The following CCDC141 variants were observed in gnomAD, a reference collection of about 807,000 sequenced individuals.
The protein encoded by CCDC141 is coiled-coil domain containing 141.
A neutral mutation model predicts 181.0 loss-of-function variants in CCDC141; 168 were observed. The ratio of observed to expected loss-of-function variants is 0.93; its 90% confidence interval spans 0.82 to 1.05. CCDC141 has a LOEUF of 1.05. CCDC141 is among the 50% of genes least tolerant of loss of function. The pLI is 0.00. For missense variants in CCDC141, 1,902 were observed against 1,788.5 expected (o/e 1.06, Z -1.14); for synonymous variants, 666 against 642.3 (o/e 1.04, Z -0.56).
At chr2:178,918,452 A>C (rs1037171675) in intron 7 of CCDC141, among the ~76,000 whole-genome samples, 6 of 152,140 alleles carry the variant, frequency 3.9e-5, no homozygotes, top group East Asian at 1.9e-4. Flanking sequence ...CAAACCAAAC[A>C]AAACAAAAAG....
In CCDC141 at chr2:178,997,059, G is replaced by T. The variant is rs531145618; in HGVS notation, c.226-18384C>A. Among the ~76,000 whole-genome samples the T allele has an allele frequency of 2.6e-5, 4 of 152,268 alleles. No individual in the cohort carries two copies. In the South Asian group the frequency reaches 8.3e-4, roughly 32 times the overall value. On this transcript the variant is annotated intron_variant, in intron 2 of 23. Coordinates refer to ENST00000443758, the MANE Select transcript of CCDC141 (RefSeq NM_173648.4). ...ATTTCTAGCAAATCCAAAATCTCAG[G>T]AGTGACCAGTTAAAGTGTGCCTCCT... is the stretch of plus-strand genomic sequence containing the variant.
intron 6 of CCDC141, among the ~76,000 whole-genome samples, chr2:178,924,730 A>T (rs2154375297): frequency 6.6e-6 from 1 of 152,266 alleles, no homozygotes; most frequent in South Asian, 2.1e-4. Context: ...CTTCACCCTC[A>T]CTATGATGCA....
At chr2:179,015,080 A>ATATATATAT (rs2042396827) in intron 2 of CCDC141, among the ~76,000 whole-genome samples, 1 of 37,308 alleles carries the variant, frequency 2.7e-5, no homozygotes, top group African/African-American at 8.4e-5. Context: ...ATATATATAT[A>ATATATATAT]TATATATATA....
At chr2:178,891,969 A>T (rs1687174725) in intron 8 of CCDC141, among the ~76,000 whole-genome samples, 1 of 152,140 alleles carries the variant, frequency 6.6e-6, no homozygotes, top group African/African-American at 2.4e-5. Flanking sequence ...ATCAATGCCC[A>T]TTTTCAAATC....
intron 8 of CCDC141, among the ~76,000 whole-genome samples, chr2:178,900,173 T>C (rs1449292636): frequency 6.6e-6 from 1 of 152,210 alleles, no homozygotes; most frequent in African/African-American, 2.4e-5. Context: ...ATATTGCTAA[T>C]GATTTTCTTA....
At chr2:178,874,553 T>A (rs1012802956) in intron 12 of CCDC141, 1 of 152,220 alleles carries the variant, frequency 6.6e-6, no homozygotes, top group African/African-American at 2.4e-5. Flanking sequence ...AAAGGACTTC[T>A]GAGTAGAATG....
chr2:178,873,648 C>A (rs1029043085), intron 12 of CCDC141: 1 of 152,114 alleles, frequency 6.6e-6, no homozygotes, highest in African/African-American at 2.4e-5. Context: ...CTAGTAGGAT[C>A]TGTGAAAAGT....
At chr2:178,851,513 G>A (rs78258121) in intron 20 of CCDC141, among the ~76,000 whole-genome samples, 1,682 of 152,268 alleles carry the variant, frequency 0.011, 36 homozygotes, top group African/African-American at 0.039. Context: ...AGAGACACCA[G>A]GGGCATGTGT....
At chr2:179,044,825 T>C (rs2043434966) in intron 2 of CCDC141, among the ~76,000 whole-genome samples, 1 of 152,166 alleles carries the variant, frequency 6.6e-6, no homozygotes, top group South Asian at 2.1e-4. Flanking sequence ...GAATTGGGGA[T>C]TCGTGACAAG....
chr2:179,002,346 G>A, intron 2 of CCDC141: 2 of 284,614 alleles, frequency 7.0e-6, no homozygotes, highest in Non-Finnish European at 1.4e-5. Flanking sequence ...AGCTGTTCAG[G>A]ATTGCATTGT....
In CCDC141 at chr2:179,016,708, C is replaced by CT. The variant is rs1478299293; in HGVS notation, c.225+30575dup. Among the ~76,000 whole-genome samples, 3 of 152,092 alleles carry CT rather than the reference C, an allele frequency of 2.0e-5. No homozygotes were observed. In the East Asian group the frequency reaches 5.8e-4, roughly 29 times the overall value. On this transcript the variant is annotated intron_variant, in intron 2 of 23. Coordinates refer to ENST00000443758, the MANE Select transcript of CCDC141 (RefSeq NM_173648.4). ...TGCATAAGCAAGAATAAACTTCTTT[C>CT]TTTTTTTAAGAATGTACTTATTTCT...
intron 4 of CCDC141, among the ~76,000 whole-genome samples, chr2:178,967,966 A>G (rs1232397735): frequency 6.6e-6 from 1 of 152,222 alleles, no homozygotes; most frequent in Admixed American, 6.5e-5. Flanking sequence ...GACTTAAACC[A>G]ACAAAGATCA....
rs533970221 is a variant in CCDC141 at position 178,877,237 on chromosome 2, C to T, written c.1899+727G>A. ...GCAACTGTTTTTAATGTTGGAAGGACTTTCATGTGTAAGAGAAATTAAATA... is the reference window on the plus strand; with the variant it reads ...GCAACTGTTTTTAATGTTGGAAGGATTTTCATGTGTAAGAGAAATTAAATA... On this transcript the variant is annotated intron_variant, in intron 12 of 23. Coordinates refer to ENST00000443758, the MANE Select transcript of CCDC141 (RefSeq NM_173648.4). 3.9e-5 allele frequency: 6 copies of T among 152,242 alleles called. No homozygotes were observed. The East Asian group carries it at 1.2e-3, about 29-fold the overall frequency. 9.4% of individuals were successfully genotyped at this position (152,242 alleles called of 1,614,324 possible). A position where few individuals can be genotyped will look rare whatever the true frequency, so the allele number is the denominator to read the frequency against.
intron 22 of CCDC141, among the ~76,000 whole-genome samples, chr2:178,844,470 A>T (rs1684852449): frequency 6.6e-6 from 1 of 152,184 alleles, no homozygotes. Flanking sequence ...GACCAATCAG[A>T]GTAACGTAAA....
chr2:178,863,318 T>C (rs1022993652), intron 17 of CCDC141, among the ~76,000 whole-genome samples: 1 of 152,200 alleles, frequency 6.6e-6, no homozygotes, highest in Non-Finnish European at 1.5e-5. Context: ...TAACAGTACT[T>C]TAAGCACATT....
At chr2:178,981,141 T>C (rs1302206608) in intron 2 of CCDC141, among the ~76,000 whole-genome samples, 2 of 152,152 alleles carry the variant, frequency 1.3e-5, no homozygotes, top group East Asian at 1.9e-4. Context: ...TAGATAAATA[T>C]ACTATAATAG....
intron 2 of CCDC141, chr2:179,002,349 T>G (rs1048262108): frequency 3.5e-6 from 1 of 282,750 alleles, no homozygotes; most frequent in Non-Finnish European, 6.9e-6. Context: ...TGTTCAGGAT[T>G]GCATTGTGGA....
At chr2:178,968,261 C>CACCTCAATTCA (rs1690725167) in intron 4 of CCDC141, among the ~76,000 whole-genome samples, 1 of 152,204 alleles carries the variant, frequency 6.6e-6, no homozygotes. Flanking sequence ...CAGAACTCTC[C>CACCTCAATTCA]ACCTCAATTC....
chr2:178,886,323 A>G (rs1351944320), intron 10 of CCDC141, among the ~76,000 whole-genome samples: 2 of 152,172 alleles, frequency 1.3e-5, no homozygotes, highest in African/African-American at 4.8e-5. Context: ...ATGTTAGGTA[A>G]GCAAACAAGG....
Sources: gnomAD v4.1 joint callset for allele counts (sites outside exome capture counted in the v4.1 genomes callset) on GRCh38, gnomAD v4.1.1 for gene constraint, MANE v1.5 for transcripts, NCBI Gene and HGNC (gene_info 2026-07-23, HGNC 2026-07-21) for gene names.